The following CDH10 variants were observed in gnomAD, a reference collection of about 807,000 sequenced individuals.
CDH10 encodes the protein cadherin 10, also known as cadherin-10.
CDH10 carries 30 observed loss-of-function variants against 73.1 expected under a neutral mutation model. That is an observed-to-expected ratio of 0.41 (90% CI 0.31 to 0.56). The LOEUF (loss-of-function observed/expected upper bound fraction) is 0.56. Among genes scored for constraint, CDH10 ranks in the 20% least tolerant of loss-of-function variants. CDH10 has a pLI of 0.27. For missense variants in CDH10, 815 were observed against 973.7 expected (o/e 0.84, Z 2.17); for synonymous variants, 345 against 348.2 (o/e 0.99, Z 0.10).
intron 5 of CDH10, among the ~76,000 whole-genome samples, chr5:24,529,452 A>G (rs2111851320): frequency 6.6e-6 from 1 of 152,096 alleles, no homozygotes; most frequent in Non-Finnish European, 1.5e-5. Flanking sequence ...CTTAATAAAA[A>G]CTGTCCTTTA....
At chr5:24,506,560 C>T (rs1039956722) in intron 7 of CDH10, among the ~76,000 whole-genome samples, 6 of 152,170 alleles carry the variant, frequency 3.9e-5, no homozygotes, top group Non-Finnish European at 5.9e-5. Context: ...AATTTCATCT[C>T]ACATCTCAAA....
At chr5:24,601,405 A>T (rs946433158) in intron 1 of CDH10, among the ~76,000 whole-genome samples, 20 of 152,190 alleles carry the variant, frequency 1.3e-4, no homozygotes, top group African/African-American at 4.8e-4. Context: ...CTCCTACATA[A>T]TTTAGTAATG....
intron 10 of CDH10, among the ~76,000 whole-genome samples, chr5:24,492,571 T>G (rs1322087052): frequency 2.0e-5 from 3 of 152,190 alleles, no homozygotes; most frequent in Non-Finnish European, 4.4e-5. Context: ...CGTTCTAATC[T>G]TATCAAGACA....
rs2111636870 is a variant in CDH10 at position 24,491,620 on chromosome 5, G to C, written c.1832C>G (p.Thr611Ser). 1 of 1,613,920 alleles carries C rather than the reference G, an allele frequency of 6.2e-7. No individual in the cohort carries two copies. The highest frequency in any genetic ancestry group is 8.5e-7 in the Non-Finnish European group (1 of 1,179,878). ...GAGGAGGATGGCGATCAAGGCCCCA[G>C]TGCTGAGGCCGGCAGGGAGGAGCAG... is the stretch of plus-strand genomic sequence containing the variant. ...EALLLPAGLS[T>S]GALIAILLCI... The change falls in exon 11 of 12, where the codon ACT (threonine) becomes AGT (serine). Residue 611 changes from threonine (T) to serine (S), a missense_variant. Around this residue, in one of 3 missense-constraint regions of CDH10, gnomAD observed 241 missense variants for 240.3 expected, o/e 1.00. Transcript: ENST00000264463.
intron 2 of CDH10, among the ~76,000 whole-genome samples, chr5:24,541,497 T>A (rs1744154939): frequency 6.6e-6 from 1 of 152,034 alleles, no homozygotes; most frequent in Non-Finnish European, 1.5e-5. Flanking sequence ...ACACTTGGAT[T>A]TAAAAAACAA....
intron 6 of CDH10, among the ~76,000 whole-genome samples, chr5:24,510,802 G>T (rs560435927): frequency 1.9e-4 from 29 of 152,204 alleles, no homozygotes; most frequent in African/African-American, 6.5e-4. Context: ...TAACAAACAG[G>T]TTACCTTTAG....
intron 5 of CDH10, among the ~76,000 whole-genome samples, chr5:24,516,103 A>C (rs1743099699): frequency 6.6e-6 from 1 of 152,144 alleles, no homozygotes; most frequent in African/African-American, 2.4e-5. Flanking sequence ...TTTAAAGAAT[A>C]CTTGTCAAGT....
Position 24,491,830 on chromosome 5 carries a change from A to G in CDH10, c.1625-3T>C. 1 of 1,576,330 alleles carries G rather than the reference A, an allele frequency of 6.3e-7. No individual in the cohort carries two copies. The highest frequency in any genetic ancestry group is 8.7e-7 in the Non-Finnish European group (1 of 1,149,382). On this transcript the variant is annotated splice_region_variant and splice_polypyrimidine_tract_variant and intron_variant, in intron 10 of 11. Coordinates refer to ENST00000264463, the MANE Select transcript of CDH10 (RefSeq NM_006727.5). ...GGTTAAGATTCTGGCAGTATTATCT[A>G]AAACAAATTTTAAAATATTACAAAT...
chr5:24,510,498 T>C (rs1742862335), intron 6 of CDH10, among the ~76,000 whole-genome samples: 1 of 152,172 alleles, frequency 6.6e-6, no homozygotes, highest in African/African-American at 2.4e-5. Flanking sequence ...AGATAAATGA[T>C]ATTATTAGTT....
intron 1 of CDH10, among the ~76,000 whole-genome samples, chr5:24,603,817 T>C (rs1231547346): frequency 6.6e-6 from 1 of 152,100 alleles, no homozygotes; most frequent in Non-Finnish European, 1.5e-5. Context: ...CTGGTTGTCC[T>C]AGCCAAAGCA....
chr5:24,490,360 T>C (rs1742004844), intron 11 of CDH10, among the ~76,000 whole-genome samples: 1 of 152,112 alleles, frequency 6.6e-6, no homozygotes. Context: ...TGAAATAAAA[T>C]GAGGTATGCA....
At chr5:24,616,646 T>C (rs962289917) in intron 1 of CDH10, among the ~76,000 whole-genome samples, 1 of 152,134 alleles carries the variant, frequency 6.6e-6, no homozygotes, top group Non-Finnish European at 1.5e-5. Context: ...TACTTGGACA[T>C]GAGGCAAAAT....
intron 5 of CDH10, 31 bp from the exon 6 acceptor site, chr5:24,511,545 CAGAGAGAGAGAGAGAGAGAGAGAG>C (rs55901211): frequency 3.1e-5 from 18 of 576,478 alleles, no homozygotes; most frequent in East Asian, 1.2e-4. Context: ...AAGAGAGAGA[CAGAGAGAGAGAGAGAGAGAGAGAG>C]AGAGAGAGAG....
chr5:24,643,478 A>G (rs1460630352), intron 1 of CDH10, among the ~76,000 whole-genome samples: 2 of 152,122 alleles, frequency 1.3e-5, no homozygotes, highest in African/African-American at 2.4e-5. Context: ...GCATTGAAGT[A>G]TAACAGTTGT....
intron 6 of CDH10, among the ~76,000 whole-genome samples, chr5:24,510,911 T>C (rs1292809801): frequency 1.3e-5 from 2 of 152,220 alleles, no homozygotes; most frequent in Non-Finnish European, 2.9e-5. Flanking sequence ...GCTGTCTCTT[T>C]TATTAGTAAC....
intron 11 of CDH10, among the ~76,000 whole-genome samples, chr5:24,490,698 T>C (rs1185090886): frequency 2.0e-5 from 3 of 152,198 alleles, no homozygotes; most frequent in Non-Finnish European, 2.9e-5. Context: ...TAACTTCATA[T>C]AAAAACATGC....
chr5:24,498,661 T>C, intron 8 of CDH10, 142 bp from the exon 9 acceptor site: 1 of 593,846 alleles, frequency 1.7e-6, no homozygotes, highest in Non-Finnish European at 3.0e-6. Flanking sequence ...GCAAATGCAA[T>C]AAAGAAAATT....
intron 1 of CDH10, among the ~76,000 whole-genome samples, chr5:24,623,404 G>A (rs998883281): frequency 1.3e-5 from 2 of 152,156 alleles, no homozygotes; most frequent in African/African-American, 4.8e-5. Flanking sequence ...AGGCCAAAAT[G>A]TGTAAACCGC....
chr5:24,622,011 A>C (rs1485328203), intron 1 of CDH10, among the ~76,000 whole-genome samples: 1 of 152,206 alleles, frequency 6.6e-6, no homozygotes, highest in African/African-American at 2.4e-5. Flanking sequence ...ATCCAAGTGC[A>C]TTGGCTTCTT....
Sources: allele counts gnomAD v4.1 joint callset (sites outside exome capture counted in the v4.1 genomes callset), GRCh38; gene constraint gnomAD v4.1.1; regional missense constraint gnomAD v4.1.1; transcripts MANE v1.5; gene names NCBI Gene and HGNC (gene_info 2026-07-23, HGNC 2026-07-21).